Variants in ANAPC13 observed in about 807,000 individuals in gnomAD.
ANAPC13 encodes anaphase-promoting complex subunit 13.
In ANAPC13, 9 loss-of-function variants were observed where a neutral mutation model predicts 9.6. The ratio of observed to expected loss-of-function variants is 0.94; its 90% CI spans 0.57 to 1.64. The LOEUF is 1.64. Among genes scored for constraint, ANAPC13 ranks in the 40% most tolerant of loss-of-function variants. The probability of loss-of-function intolerance (pLI) is 0.00; values close to 1 mark genes in which losing one functional copy is unlikely to be tolerated. For missense variants in ANAPC13, 75 were observed against 85.3 expected (o/e 0.88, Z 0.48); for synonymous variants, 30 against 29.7 (o/e 1.01, Z -0.03).
In ANAPC13 at chr3:134,478,535, C is replaced by T; in HGVS notation, c.*55G>A. 6.4e-7 allele frequency: 1 copy of T among 1,572,388 alleles called. No homozygotes were observed. The highest frequency in any genetic ancestry group is 8.6e-7 in the Non-Finnish European group (1 of 1,159,872). ...GTTTGAATTTGGAGACTGAAACAAA[C>T]CATGCTTTATCTGTGTACTTTGAGA... On this transcript the variant is annotated 3_prime_UTR_variant, in exon 3 of 3. Coordinates refer to ENST00000354910, the MANE Select transcript of ANAPC13 (RefSeq NM_015391.4).
intron 2 of ANAPC13, among the ~76,000 whole-genome samples, chr3:134,480,985 A>C (rs766263372): frequency 1.3e-5 from 2 of 152,224 alleles, no homozygotes; most frequent in Non-Finnish European, 2.9e-5. Flanking sequence ...TTCGCCTGGA[A>C]GTCAGCAGGG....
chr3:134,482,783 C>T, intron 2 of ANAPC13, 23 bp downstream of exon 2: 1 of 1,600,088 alleles, frequency 6.2e-7, no homozygotes, highest in Non-Finnish European at 8.6e-7. Flanking sequence ...TTTAACCCAT[C>T]CTCAGCTCAA....
chr3:134,481,042 A>G (rs1934722717), intron 2 of ANAPC13, among the ~76,000 whole-genome samples: 1 of 152,220 alleles, frequency 6.6e-6, no homozygotes, highest in South Asian at 2.1e-4. Flanking sequence ...AATCTGAGCC[A>G]TAAACTTCTC....
At chr3:134,483,122 T>A in intron 1 of ANAPC13, 191 bp from the exon 2 acceptor site, 1 of 579,796 alleles carries the variant, frequency 1.7e-6, no homozygotes, top group South Asian at 2.1e-5. Flanking sequence ...TTATAGTGTA[T>A]ACTGGACAGG....
intron 2 of ANAPC13, among the ~76,000 whole-genome samples, chr3:134,481,361 C>T (rs898678666): frequency 3.9e-5 from 6 of 152,190 alleles, no homozygotes; most frequent in Non-Finnish European, 8.8e-5. Context: ...CAGTGAATGA[C>T]TCACCATGTC....
chr3:134,486,008 CGCA>C, upstream of ANAPC13: 2 of 983,736 alleles, frequency 2.0e-6, no homozygotes, highest in Non-Finnish European at 2.4e-6. Context: ...CCCCCTCCCC[CGCA>C]TCACGTGTCT....
chr3:134,478,924 G>A (rs562828185), intron 2 of ANAPC13, among the ~76,000 whole-genome samples: 106 of 152,286 alleles, frequency 7.0e-4, no homozygotes, highest in African/African-American at 2.5e-3. Flanking sequence ...GGGAATGATG[G>A]GCATTTTGAC....
At chr3:134,482,698 G>A (rs925379382) in intron 2 of ANAPC13, 108 bp downstream of exon 2, 1 of 903,396 alleles carries the variant, frequency 1.1e-6, no homozygotes, top group Non-Finnish European at 1.8e-6. Flanking sequence ...GAATTCCACA[G>A]CTTTGATTTC....
intron 2 of ANAPC13, among the ~76,000 whole-genome samples, chr3:134,481,553 C>A (rs1934735725): frequency 6.6e-6 from 1 of 152,170 alleles, no homozygotes; most frequent in South Asian, 2.1e-4. Context: ...GCTGTTTATG[C>A]CCCCACCTAG....
intron 1 of ANAPC13, 96 bp downstream of exon 1, chr3:134,485,856 G>A (rs1048115603): frequency 4.9e-6 from 2 of 405,294 alleles, no homozygotes; most frequent in African/African-American, 2.2e-5. Context: ...TAAAGTGACA[G>A]CCTCGGCCGA....
chr3:134,484,581 G>T (rs1288028743), intron 1 of ANAPC13, among the ~76,000 whole-genome samples: 2 of 152,162 alleles, frequency 1.3e-5, no homozygotes, highest in Non-Finnish European at 2.9e-5. Flanking sequence ...AGCCAGGTGA[G>T]GGCTTAATTA....
chr3:134,485,991 G>GCGCCCCCCC, upstream of ANAPC13: 1 of 938,170 alleles, frequency 1.1e-6, no homozygotes, highest in Non-Finnish European at 1.3e-6. Context: ...CTCCTGCCAC[G>GCGCCCCCCC]CCCCCCCCCC....
intron 2 of ANAPC13, among the ~76,000 whole-genome samples, chr3:134,479,961 T>C (rs1448709927): frequency 6.6e-6 from 1 of 152,246 alleles, no homozygotes; most frequent in Non-Finnish European, 1.5e-5. Flanking sequence ...CAAACTGTTA[T>C]GCGATATCCA....
chr3:134,478,758 C>T, intron 2 of ANAPC13, 43 bp from the exon 3 acceptor site: 3 of 1,606,578 alleles, frequency 1.9e-6, no homozygotes, highest in Non-Finnish European at 2.5e-6. Flanking sequence ...ATATATTCTG[C>T]ATCTTCTTGG....
chr3:134,483,995 A>T (rs1934819860), intron 1 of ANAPC13, among the ~76,000 whole-genome samples: 1 of 152,184 alleles, frequency 6.6e-6, no homozygotes, highest in African/African-American at 2.4e-5. Context: ...GTCCCTTCGC[A>T]TAGTCCAGTT....
In ANAPC13 at chr3:134,482,831, G is replaced by C; in HGVS notation, c.74C>G (p.Pro25Arg). The stretch of plus-strand genomic sequence containing the variant: ...CAGTGGTATTGCGACATCCTCATAA[G>C]GCAGCTTGTCTTCTCGCCAAGCATC... ...IDDAWREDKLPYEDVAIPLNE... is the reference protein window; with the variant it reads ...IDDAWREDKLRYEDVAIPLNE... Residue 25 changes from proline (P) to arginine (R), a missense_variant, in exon 2 of 3, where the codon CCT (proline) becomes CGT (arginine). Coordinates refer to ENST00000354910, the MANE Select transcript of ANAPC13 (RefSeq NM_015391.4). 6.2e-7 allele frequency: 1 copy of C among 1,614,122 alleles called. No homozygotes were observed. The highest frequency in any genetic ancestry group is 8.5e-7 in the Non-Finnish European group (1 of 1,180,004).
chr3:134,478,792 A>T, intron 2 of ANAPC13, 77 bp from the exon 3 acceptor site: 4 of 1,529,284 alleles, frequency 2.6e-6, no homozygotes, highest in African/African-American at 2.8e-5. Context: ...TTAGAATTAA[A>T]GCTTGTGAGT....
chr3:134,485,991 G>GCCCCCCCCCCCCCCCCCCCC (rs5852785), upstream of ANAPC13: 1 of 846,592 alleles, frequency 1.2e-6, no homozygotes, highest in African/African-American at 1.9e-5. Context: ...CTCCTGCCAC[G>GCCCCCCCCCCCCCCCCCCCC]CCCCCCCCCC....
In ANAPC13 at chr3:134,482,846, C is replaced by T. The variant is rs147569914; in HGVS notation, c.59G>A (p.Arg20Gln). 6.2e-6 allele frequency: 10 copies of T among 1,614,078 alleles called. No individual in the cohort carries two copies. Among genetic ancestry groups the T allele is most frequent in the East Asian group, 2.2e-5 (1 of 44,894 alleles). ...ATCCTCATAAGGCAGCTTGTCTTCTCGCCAAGCATCATCAATCAAATCCAA... is the reference window on the plus strand; with the variant it reads ...ATCCTCATAAGGCAGCTTGTCTTCTTGCCAAGCATCATCAATCAAATCCAA... ...RILDLIDDAW[R>Q]EDKLPYEDVA... Residue 20 changes from arginine to glutamine, a missense_variant, in exon 2 of 3, where the codon CGA becomes CAA. Transcript: ENST00000354910.
Sources: allele counts gnomAD v4.1 joint callset (sites outside exome capture counted in the v4.1 genomes callset), GRCh38; gene constraint gnomAD v4.1.1; transcripts MANE v1.5; gene names NCBI Gene and HGNC (gene_info 2026-07-23, HGNC 2026-07-21).